Variants in THSD7B observed in about 807,000 individuals in gnomAD.
THSD7B encodes the protein thrombospondin type-1 domain-containing protein 7B.
A neutral mutation model predicts 213.6 loss-of-function variants in THSD7B; 138 were observed. That is an observed-to-expected ratio of 0.65 (90% CI 0.56 to 0.74). The LOEUF (loss-of-function observed/expected upper bound fraction) is 0.74, where lower values mean the gene tolerates loss of function less well. Ranked by LOEUF, THSD7B falls within the 30% of genes least tolerant of loss-of-function variation. THSD7B has a pLI of 0.00. For synonymous variants in THSD7B, 742 were observed against 687.0 expected (o/e 1.08, Z -1.25); for missense variants, 1,931 against 1,991.5 (o/e 0.97, Z 0.58).
chr2:136,904,523 C>T (rs539805089), intron 2 of THSD7B, among the ~76,000 whole-genome samples: 9 of 152,252 alleles, frequency 5.9e-5, no homozygotes, highest in Non-Finnish European at 1.3e-4. Context: ...ATGGGCTAAG[C>T]GTCTATGAAA....
chr2:137,414,905 A>C (rs2105017484), intron 14 of THSD7B, among the ~76,000 whole-genome samples: 1 of 151,676 alleles, frequency 6.6e-6, no homozygotes, highest in East Asian at 2.0e-4. Context: ...AAAATACAAA[A>C]ATTAGCCAGG....
At chr2:137,069,341 T>G (rs1687437325) in intron 3 of THSD7B, among the ~76,000 whole-genome samples, 1 of 152,100 alleles carries the variant, frequency 6.6e-6, no homozygotes, top group Non-Finnish European at 1.5e-5. Flanking sequence ...CTTTTTATTT[T>G]TTTGGAGTAA....
chr2:137,464,030 C>T (rs1436279511), intron 15 of THSD7B, among the ~76,000 whole-genome samples: 1 of 151,948 alleles, frequency 6.6e-6, no homozygotes, highest in Non-Finnish European at 1.5e-5. Flanking sequence ...GTTGATGGCT[C>T]CTATGGTTAG....
At chr2:137,197,165 G>T (rs977613074) in intron 7 of THSD7B, among the ~76,000 whole-genome samples, 2 of 152,180 alleles carry the variant, frequency 1.3e-5, no homozygotes, top group Non-Finnish European at 2.9e-5. Flanking sequence ...AGGGATTTGG[G>T]ATGTGCTACT....
chr2:136,850,234 A>G (rs1225071009), intron 1 of THSD7B, among the ~76,000 whole-genome samples: 2 of 152,084 alleles, frequency 1.3e-5, no homozygotes. Context: ...TTACAACTGT[A>G]TAATGCTGCA....
At chr2:137,024,632 C>T (rs539919676) in intron 2 of THSD7B, among the ~76,000 whole-genome samples, 1 of 152,074 alleles carries the variant, frequency 6.6e-6, no homozygotes, top group East Asian at 1.9e-4. Context: ...TATTAGCATA[C>T]CTGTATTAAA....
At chr2:137,002,268 C>G (rs1181601568) in intron 2 of THSD7B, among the ~76,000 whole-genome samples, 1 of 152,052 alleles carries the variant, frequency 6.6e-6, no homozygotes, top group Non-Finnish European at 1.5e-5. Flanking sequence ...ATGGGTGTTT[C>G]TCTAAAATCA....
intron 15 of THSD7B, among the ~76,000 whole-genome samples, chr2:137,461,209 T>A (rs943005054): frequency 1.3e-5 from 2 of 152,158 alleles, no homozygotes; most frequent in Non-Finnish European, 2.9e-5. Context: ...CACATATGTA[T>A]GCATTTCTAT....
intron 3 of THSD7B, among the ~76,000 whole-genome samples, chr2:137,088,259 A>T (rs553262199): frequency 1.8e-4 from 27 of 152,024 alleles, no homozygotes; most frequent in African/African-American, 4.1e-4. Flanking sequence ...AAAAAAAAAT[A>T]AAATTAAATT....
At chr2:137,098,095 A>T (rs2104921869) in intron 4 of THSD7B, among the ~76,000 whole-genome samples, 1 of 152,318 alleles carries the variant, frequency 6.6e-6, no homozygotes, top group Non-Finnish European at 1.5e-5. Context: ...GAAAATGAAA[A>T]TCTATTAGGG....
At chr2:137,581,783 A>T (rs13399635) in intron 17 of THSD7B, among the ~76,000 whole-genome samples, 12,417 of 147,538 alleles carry the variant, frequency 0.084, 598 homozygotes, top group South Asian at 0.18. Context: ...AAAAAAAAAA[A>T]AATAATAATA....
chr2:136,940,167 C>G (rs1216914014), intron 2 of THSD7B, among the ~76,000 whole-genome samples: 1 of 152,104 alleles, frequency 6.6e-6, no homozygotes, highest in East Asian at 1.9e-4. Context: ...CCCTCACCCC[C>G]CAACCTACCC....
chr2:137,310,450 A>G (rs1484108058), intron 12 of THSD7B, among the ~76,000 whole-genome samples: 21 of 148,504 alleles, frequency 1.4e-4, no homozygotes, highest in Non-Finnish European at 2.8e-4. Flanking sequence ...CCCATTTTGT[A>G]GGTTGCCTGT....
intron 2 of THSD7B, among the ~76,000 whole-genome samples, chr2:137,049,946 A>T (rs546986961): frequency 6.6e-6 from 1 of 152,296 alleles, no homozygotes; most frequent in African/African-American, 2.4e-5. Context: ...AACTGTTCTA[A>T]TAGAAACCAG....
chr2:137,217,009 T>C (rs1681261206), intron 7 of THSD7B, among the ~76,000 whole-genome samples: 1 of 152,176 alleles, frequency 6.6e-6, no homozygotes, highest in African/African-American at 2.4e-5. Flanking sequence ...ATCTTTTTCT[T>C]ACCTAAATGA....
chr2:136,828,704 A>G (rs1010420950), intron 1 of THSD7B, among the ~76,000 whole-genome samples: 2 of 152,312 alleles, frequency 1.3e-5, no homozygotes, highest in East Asian at 3.9e-4. Context: ...GCCTTTGCAC[A>G]TGCTATACTC....
intron 14 of THSD7B, among the ~76,000 whole-genome samples, chr2:137,414,579 A>C (rs1208323061): frequency 6.6e-6 from 1 of 151,986 alleles, no homozygotes; most frequent in Non-Finnish European, 1.5e-5. Flanking sequence ...TTAGCCAGGC[A>C]TGGTAGCATG....
chr2:136,806,765 C>G (rs182166466), intron 1 of THSD7B, among the ~76,000 whole-genome samples: 16 of 152,260 alleles, frequency 1.1e-4, no homozygotes, highest in Non-Finnish European at 1.5e-4. Context: ...TGGTTGTTTT[C>G]TAGTGTCCTT....
chr2:137,368,541 C>T (rs1480695936), intron 12 of THSD7B, among the ~76,000 whole-genome samples: 2 of 152,020 alleles, frequency 1.3e-5, no homozygotes, highest in Non-Finnish European at 2.9e-5. Flanking sequence ...TTTACTTCAA[C>T]AGAAGCTCAT....
Sources: gnomAD v4.1 joint callset for allele counts (sites outside exome capture counted in the v4.1 genomes callset) on GRCh38, gnomAD v4.1.1 for gene constraint, MANE v1.5 for transcripts, NCBI Gene and HGNC (gene_info 2026-07-23, HGNC 2026-07-21) for gene names.